The following RUNDC3B variants were observed in gnomAD, a reference collection of about 807,000 sequenced individuals.
RUNDC3B encodes the protein RUN domain-containing protein 3B.
Under a neutral mutation model 58.4 loss-of-function variants are expected in RUNDC3B, and 33 were observed. The observed-to-expected ratio is 0.56, with a 90% confidence interval of 0.43 to 0.75. The LOEUF (loss-of-function observed/expected upper bound fraction) is 0.75. Ranked by LOEUF, RUNDC3B falls within the 30% of genes least tolerant of loss-of-function variation. The pLI, the probability that RUNDC3B is intolerant of heterozygous loss-of-function variation, is 0.00. For missense variants in RUNDC3B, 501 were observed against 535.7 expected (o/e 0.94, Z 0.64); for synonymous variants, 193 against 195.2 (o/e 0.99, Z 0.10).
chr7:87,635,663 A>G (rs536041478), intron 1 of RUNDC3B, among the ~76,000 whole-genome samples: 1 of 152,228 alleles, frequency 6.6e-6, no homozygotes, highest in Non-Finnish European at 1.5e-5. Flanking sequence ...TATACGTAGC[A>G]TAACTATGCA....
At chr7:87,682,203 C>T (rs996642657) in intron 2 of RUNDC3B, among the ~76,000 whole-genome samples, 7 of 152,296 alleles carry the variant, frequency 4.6e-5, no homozygotes, top group African/African-American at 9.6e-5. Flanking sequence ...AGTTCTCTTG[C>T]GATTTCCATG....
chr7:87,788,547 T>C (rs573754859), intron 8 of RUNDC3B, among the ~76,000 whole-genome samples: 10 of 152,114 alleles, frequency 6.6e-5, no homozygotes, highest in Non-Finnish European at 1.5e-4. Flanking sequence ...TTGACTTTAG[T>C]TGGCTCCAGT....
chr7:87,761,176 A>T (rs1833658407), intron 6 of RUNDC3B, among the ~76,000 whole-genome samples: 1 of 151,982 alleles, frequency 6.6e-6, no homozygotes, highest in Admixed American at 6.6e-5. Context: ...GGACTTAAAT[A>T]AACATTTCTC....
intron 2 of RUNDC3B, among the ~76,000 whole-genome samples, chr7:87,677,416 A>C (rs1219177422): frequency 6.6e-6 from 1 of 152,142 alleles, no homozygotes; most frequent in Non-Finnish European, 1.5e-5. Context: ...AATATGCAAG[A>C]CACAGAAAGA....
intron 4 of RUNDC3B, among the ~76,000 whole-genome samples, chr7:87,718,650 A>G (rs1830697859): frequency 6.6e-6 from 1 of 152,146 alleles, no homozygotes; most frequent in Non-Finnish European, 1.5e-5. Context: ...CCTTTACAAA[A>G]TGTATGATTT....
rs140228429 is a variant in RUNDC3B at position 87,650,301 on chromosome 7, A to G, written c.123-521A>G. Among the ~76,000 whole-genome samples, 1,350 of 152,242 alleles carry G rather than the reference A, an allele frequency of 8.9e-3. 16 individuals carry two copies. The highest frequency in any genetic ancestry group is 0.012 in the Non-Finnish European group (783 of 68,028). ...AGGCTGCTTTAACAAATTGTCTTAA[A>G]CCAGGTAATTTATAAACAACAGAAA... On this transcript the variant is annotated intron_variant, in intron 1 of 10. Coordinates refer to ENST00000394654, the MANE Select transcript of RUNDC3B (RefSeq NM_001134405.2).
chr7:87,791,451 G>T (rs952682043), intron 8 of RUNDC3B, among the ~76,000 whole-genome samples: 2 of 151,986 alleles, frequency 1.3e-5, no homozygotes, highest in African/African-American at 4.8e-5. Flanking sequence ...TATAACTGTG[G>T]TATGCAAACC....
chr7:87,741,532 T>C lies in RUNDC3B; in HGVS notation c.582T>C (p.Ser194=), dbSNP rs1832324831. The change falls in exon 6 of 11, where the codon AGT becomes AGC. Residue 194 remains serine, a synonymous_variant. Transcript: ENST00000394654. The part of the protein sequence containing the change: ...FCLKGEGLDG[S]FPAVIDYTPY... ...TAAAGGGAGAGGGGCTGGATGGCAG[T>C]TTTCCTGCTGTAATAGACTATACAC... The C allele has an allele frequency of 1.9e-6, 3 of 1,588,476 alleles. No homozygotes were observed. Among genetic ancestry groups the C allele is most frequent in the African/African-American group, 2.7e-5 (2 of 74,260 alleles).
Position 87,830,009 on chromosome 7 carries a change from T to C in RUNDC3B, c.1350T>C (p.Ser450=), listed in dbSNP as rs1838050551. The change falls in exon 11 of 11, where the codon AGT becomes AGC. Residue 450 remains serine (S), a synonymous_variant. Transcript: ENST00000394654. ...CAAGTCCTACAACAGAGATGACAAG[T>C]CCAGGCCTAACTCCATCCTGAAAAT... ...YLASPTTEMT[S]PGLTPS 9 of 1,598,112 alleles carry C rather than the reference T, an allele frequency of 5.6e-6. No individual in the cohort carries two copies. The highest frequency in any genetic ancestry group is 7.7e-6 in the Non-Finnish European group (9 of 1,173,672).
At chr7:87,782,906 T>C (rs1337950040) in intron 8 of RUNDC3B, among the ~76,000 whole-genome samples, 1 of 152,162 alleles carries the variant, frequency 6.6e-6, no homozygotes, top group East Asian at 1.9e-4. Flanking sequence ...ACTTAGAATA[T>C]GTTCAGTGTG....
chr7:87,825,031 C>T (rs1659385309), intron 10 of RUNDC3B, among the ~76,000 whole-genome samples: 1 of 151,786 alleles, frequency 6.6e-6, no homozygotes, highest in African/African-American at 2.4e-5. Flanking sequence ...ATACCTCCTG[C>T]ACATGGTGAA....
At chr7:87,726,900 G>A (rs1476186396) in intron 4 of RUNDC3B, among the ~76,000 whole-genome samples, 2 of 152,040 alleles carry the variant, frequency 1.3e-5, no homozygotes, top group Non-Finnish European at 2.9e-5. Context: ...TCTGTTATTG[G>A]TGTATAAGAA....
chr7:87,793,270 AAAG>A lies in RUNDC3B; in HGVS notation c.957-14096_957-14094del, dbSNP rs368693103. Among the ~76,000 whole-genome samples, 4 of 152,276 alleles carry A rather than the reference AAAG, an allele frequency of 2.6e-5. No individual in the cohort carries two copies. The South Asian group carries it at 6.2e-4, about 24-fold the overall frequency. On this transcript the variant is annotated intron_variant, in intron 8 of 10. Coordinates refer to ENST00000394654, the MANE Select transcript of RUNDC3B (RefSeq NM_001134405.2). ...CACTGCTAAATTCCACCAAACATTT[AAAG>A]AAGAAGTAATACCAATCCTACTCAA...
Position 87,654,350 on chromosome 7 carries a change from G to C in RUNDC3B, c.238+3413G>C, listed in dbSNP as rs1398601312. Among the ~76,000 whole-genome samples, 4 of 152,058 alleles carry C rather than the reference G, an allele frequency of 2.6e-5. No homozygotes were observed. The East Asian group carries it at 5.8e-4, about 22-fold the overall frequency. Reference sequence around the variant, plus strand: ...CAAAATATACTGCAAAGCTATATTAGTTAAAACAGGATGTTACCAGCATAA... The same window carrying C: ...CAAAATATACTGCAAAGCTATATTACTTAAAACAGGATGTTACCAGCATAA... On this transcript the variant is annotated intron_variant, in intron 2 of 10. Coordinates refer to ENST00000394654, the MANE Select transcript of RUNDC3B (RefSeq NM_001134405.2).
At chr7:87,811,339 A>AT (rs199840492) in intron 9 of RUNDC3B, among the ~76,000 whole-genome samples, 31,059 of 143,876 alleles carry the variant, frequency 0.22, 3,325 homozygotes, top group Admixed American at 0.31. Context: ...TAGGCTTTTA[A>AT]TTTTTTTTTT....
intron 4 of RUNDC3B, among the ~76,000 whole-genome samples, chr7:87,739,040 A>G (rs1281413476): frequency 6.6e-6 from 1 of 151,896 alleles, no homozygotes; most frequent in Non-Finnish European, 1.5e-5. Context: ...ACATAGTACT[A>G]CGTTTTAAAA....
intron 4 of RUNDC3B, among the ~76,000 whole-genome samples, chr7:87,738,785 T>C (rs1832142558): frequency 1.3e-5 from 2 of 151,960 alleles, no homozygotes; most frequent in African/African-American, 2.4e-5. Context: ...TCAAGTAATA[T>C]GTTTGTAAAA....
intron 4 of RUNDC3B, chr7:87,713,463 T>C (rs1417725025): frequency 6.6e-6 from 1 of 152,122 alleles, no homozygotes; most frequent in Non-Finnish European, 1.5e-5. Context: ...TGACTATGGC[T>C]CCAAAGCATT....
At chr7:87,732,863 A>G (rs1490438759) in intron 4 of RUNDC3B, among the ~76,000 whole-genome samples, 1 of 152,178 alleles carries the variant, frequency 6.6e-6, no homozygotes, top group African/African-American at 2.4e-5. Flanking sequence ...AGAGATAAGA[A>G]TTTACAGTAT....
Sources: gnomAD v4.1 joint callset for allele counts (sites outside exome capture counted in the v4.1 genomes callset) on GRCh38, gnomAD v4.1.1 for gene constraint, MANE v1.5 for transcripts, NCBI Gene and HGNC (gene_info 2026-07-23, HGNC 2026-07-21) for gene names.